Variants in SYNE1 observed in about 807,000 individuals in gnomAD.
The protein encoded by SYNE1 is spectrin repeat containing nuclear envelope protein 1, also known as nesprin-1.
Under a neutral mutation model 1,111.0 loss-of-function variants are expected in SYNE1, and 616 were observed. That is an observed-to-expected ratio of 0.55 (90% CI 0.52 to 0.59). The LOEUF (loss-of-function observed/expected upper bound fraction) is 0.59, where lower values mean the gene tolerates loss of function less well. Among genes scored for constraint, SYNE1 ranks in the 20% least tolerant of loss-of-function variants. The pLI, the probability that SYNE1 is intolerant of heterozygous loss-of-function variation, is 0.00. For missense variants in SYNE1, 10,006 were observed against 10,417.0 expected, an observed-to-expected ratio of 0.96 and a Z score of 1.72; for synonymous variants, 3,855 against 3,825.8, an observed-to-expected ratio of 1.01 and a Z score of -0.28.
At chr6:152,433,054 T>C (rs2098442424) in intron 34 of SYNE1, among the ~76,000 whole-genome samples, 1 of 151,868 alleles carries the variant, frequency 6.6e-6, no homozygotes, top group Non-Finnish European at 1.5e-5. Flanking sequence ...TTTACTATAT[T>C]TAATTGAATG....
chr6:152,521,095 T>C (rs1440410875), intron 5 of SYNE1, among the ~76,000 whole-genome samples: 3 of 152,150 alleles, frequency 2.0e-5, no homozygotes, highest in Non-Finnish European at 2.9e-5. Context: ...TCACACGCTT[T>C]CTTAAAAAGA....
At position 152,369,121 on chromosome 6, in the gene SYNE1, G is replaced by A. The variant is rs575965815; in HGVS notation, c.9658C>T (p.Leu3220Phe). ...GGCTCGTAGCAGTGTATTTCCTCAAGGACAGACTGAAAAGCACAAGCAAGT... is the reference window on the plus strand; with the variant it reads ...GGCTCGTAGCAGTGTATTTCCTCAAAGACAGACTGAAAAGCACAAGCAAGT... ...RREQQKLQSV[L>F]EEIHCYEPQL... Residue 3220 changes from leucine (L) to phenylalanine (F), a missense_variant, in exon 61 of 146, where the codon CTT becomes TTT. This residue lies in a region of SYNE1 where 4,955 missense variants were observed against 5,017.2 expected (regional missense o/e 0.99). Transcript: ENST00000367255. 1 of 1,613,272 alleles carries A rather than the reference G, an allele frequency of 6.2e-7. No homozygotes were observed. The highest frequency in any genetic ancestry group is 1.3e-5 in the African/African-American group (1 of 75,022).
At chr6:152,616,354 C>T (rs1744390) in intron 3 of SYNE1, among the ~76,000 whole-genome samples, 108,612 of 151,784 alleles carry the variant, frequency 0.72, 38,956 homozygotes, top group East Asian at 0.81. Context: ...AGGAGCATCG[C>T]TTGATTCCAG....
chr6:152,184,454 A>T (rs1313157459), intron 128 of SYNE1, among the ~76,000 whole-genome samples: 1 of 151,562 alleles, frequency 6.6e-6, no homozygotes, highest in African/African-American at 2.4e-5. Flanking sequence ...AAAAAAAAAA[A>T]AAGAAAGAAA....
chr6:152,376,818 G>A lies in SYNE1; in HGVS notation c.9104C>T (p.Thr3035Ile). 6.2e-7 allele frequency: 1 copy of A among 1,613,972 alleles called. No homozygotes were observed. Among genetic ancestry groups the A allele is most frequent in the East Asian group, 2.2e-5 (1 of 44,860 alleles). Residue 3035 changes from threonine (T) to isoleucine (I), a missense_variant, in exon 57 of 146, where the codon ACC becomes ATC. Transcript: ENST00000367255. ...ELCRFSRDLS[T>I]YSGKVSGLIK... ...CAAGCCAGAAACTTTTCCACTGTAG[G>A]TACTCAGGTCTCTGGAAAATCGACA...
intron 3 of SYNE1, among the ~76,000 whole-genome samples, chr6:152,571,416 T>G (rs2099456345): frequency 6.6e-6 from 1 of 152,142 alleles, no homozygotes; most frequent in South Asian, 2.1e-4. Context: ...ATGCCAGCAA[T>G]TTCTGAAGGA....
At chr6:152,471,833 T>C in intron 15 of SYNE1, 68 bp from the exon 16 acceptor site, 1 of 1,490,904 alleles carries the variant, frequency 6.7e-7, no homozygotes, top group Non-Finnish European at 9.3e-7. Flanking sequence ...TTACTTAACC[T>C]GTTACATGTC....
At chr6:152,426,482 G>C (rs574732992) in intron 38 of SYNE1, among the ~76,000 whole-genome samples, 1 of 152,228 alleles carries the variant, frequency 6.6e-6, no homozygotes, top group East Asian at 1.9e-4. Flanking sequence ...CCTTACTGAC[G>C]CAATGTCAGG....
chr6:152,152,652 T>C (rs560501506), intron 133 of SYNE1, among the ~76,000 whole-genome samples: 13 of 152,290 alleles, frequency 8.5e-5, no homozygotes, highest in African/African-American at 3.1e-4. Flanking sequence ...CTGCTGTCCA[T>C]TAGGAAAAAA....
At chr6:152,494,996 G>A (rs192543563) in intron 11 of SYNE1, among the ~76,000 whole-genome samples, 72 of 152,160 alleles carry the variant, frequency 4.7e-4, no homozygotes, top group Non-Finnish European at 8.7e-4. Flanking sequence ...ATAGTTCTTT[G>A]ACCAAGGAAA....
chr6:152,253,675 G>A (rs2153610949), intron 104 of SYNE1, among the ~76,000 whole-genome samples: 1 of 152,108 alleles, frequency 6.6e-6, no homozygotes, highest in Non-Finnish European at 1.5e-5. Context: ...AATATTTTGT[G>A]AATAAAAAAA....
chr6:152,358,529 T>C lies in SYNE1; in HGVS notation c.10452A>G (p.Val3484=). 6.2e-7 allele frequency: 1 copy of C among 1,614,180 alleles called. No individual in the cohort carries two copies. Among genetic ancestry groups the C allele is most frequent in the East Asian group, 2.2e-5 (1 of 44,880 alleles). Reference sequence around the variant, plus strand: ...GGCGGACAAGTTTTTCAGACTTGGTTACGGCTTCCTATAATTAGCATTTAA... The same window carrying C: ...GGCGGACAAGTTTTTCAGACTTGGTCACGGCTTCCTATAATTAGCATTTAA... ...RAIQERAKEA[V]TKSEKLVRLH... Residue 3484 remains valine, a synonymous_variant, in exon 66 of 146, where the codon GTA becomes GTG. Transcript: ENST00000367255.
At chr6:152,358,060 T>G (rs1418044132) in intron 66 of SYNE1, among the ~76,000 whole-genome samples, 5 of 152,214 alleles carry the variant, frequency 3.3e-5, no homozygotes, top group African/African-American at 1.2e-4. Context: ...ATGTGATCCC[T>G]TAGGGAGAAA....
At position 152,358,299 on chromosome 6, in the gene SYNE1, C is replaced by T. The variant is rs1459082215; in HGVS notation, c.10608+74G>A. ...CCACTGGACTCAAGGTTTCTATTAA[C>T]TTCCTATTGCCTAAAATAATAATTC... On this transcript the variant is annotated intron_variant, in intron 66 of 145. Transcript: ENST00000367255. The T allele has an allele frequency of 3.7e-6, 6 of 1,604,028 alleles. No individual in the cohort carries two copies. The East Asian group carries it at 1.1e-4, about 30-fold the overall frequency.
intron 130 of SYNE1, among the ~76,000 whole-genome samples, chr6:152,167,548 C>T (rs191867585): frequency 1.3e-5 from 2 of 152,302 alleles, no homozygotes; most frequent in East Asian, 3.9e-4. Flanking sequence ...CTATTTTAGA[C>T]ATTAATTTGT....
chr6:152,472,396 C>A lies in SYNE1; in HGVS notation c.1368G>T (p.Thr456=). Residue 456 remains threonine, a synonymous_variant, in exon 15 of 146, where the codon ACG becomes ACT. Coordinates refer to ENST00000367255, the MANE Select transcript of SYNE1 (RefSeq NM_182961.4). ...CATGGAATGCTCTTTTGTGGGCATC[C>A]GTGTTTTGAAGCAGATCCTAAGATA... ...LEQHKDLLQN[T]DAHKRAFHEI... 1 of 1,613,526 alleles carries A rather than the reference C, an allele frequency of 6.2e-7. No individual in the cohort carries two copies. Among genetic ancestry groups the A allele is most frequent in the Non-Finnish European group, 8.5e-7 (1 of 1,179,870 alleles).
intron 106 of SYNE1, among the ~76,000 whole-genome samples, chr6:152,243,807 TAC>T (rs1188463074): frequency 1.3e-5 from 2 of 152,246 alleles, no homozygotes; most frequent in African/African-American, 4.8e-5. Context: ...TGTGTGACTG[TAC>T]ACAGTTGTAC....
At chr6:152,599,981 C>T (rs780123691) in intron 3 of SYNE1, among the ~76,000 whole-genome samples, 38 of 152,036 alleles carry the variant, frequency 2.5e-4, no homozygotes, top group Admixed American at 4.6e-4. Flanking sequence ...TTGGGTTGAA[C>T]CAAAAAATAA....
At chr6:152,269,345 G>C in intron 98 of SYNE1, 59 bp from the exon 99 acceptor site, 3 of 1,611,838 alleles carry the variant, frequency 1.9e-6, no homozygotes, top group Non-Finnish European at 2.5e-6. Flanking sequence ...TTAACCAAAG[G>C]GGAGAGAAGG....
Sources: allele counts gnomAD v4.1 joint callset (sites outside exome capture counted in the v4.1 genomes callset), GRCh38; gene constraint gnomAD v4.1.1; regional missense constraint gnomAD v4.1.1; transcripts MANE v1.5; gene names NCBI Gene and HGNC (gene_info 2026-07-23, HGNC 2026-07-21).